AK5: variants seen among roughly 807,000 people sequenced by gnomAD.
AK5 encodes adenylate kinase isoenzyme 5.
Under a neutral mutation model 69.5 loss-of-function variants are expected in AK5, and 27 were observed. The ratio of observed to expected loss-of-function variants is 0.39; its 90% confidence interval spans 0.29 to 0.54. AK5 has a LOEUF of 0.54. Ranked by LOEUF, AK5 falls within the 20% of genes least tolerant of loss-of-function variation. The probability of loss-of-function intolerance (pLI) is 0.71; values close to 1 mark genes in which losing one functional copy is unlikely to be tolerated. For missense variants in AK5, 531 were observed against 700.4 expected, an observed-to-expected ratio of 0.76 and a Z score of 2.73; for synonymous variants, 260 against 244.4, an observed-to-expected ratio of 1.06 and a Z score of -0.60.
rs566579495 is a variant in AK5, at chr1:77,297,498, G to A, written c.416-61G>A. Reference sequence around the variant, plus strand: ...TTGCATCCCAGATGAAGTAGTAGTTGTATAAAAGGGAGGTCCTTATTGTAT... The same window carrying A: ...TTGCATCCCAGATGAAGTAGTAGTTATATAAAAGGGAGGTCCTTATTGTAT... On this transcript the variant is annotated intron_variant, in intron 3 of 13. Coordinates refer to ENST00000354567, the MANE Select transcript of AK5 (RefSeq NM_174858.3). The A allele has an allele frequency of 7.7e-5, 112 of 1,455,520 alleles. 1 individual carries two copies. The South Asian group carries it at 8.6e-4, about 11-fold the overall frequency. The allele number at this position is 1,455,520 out of a possible 1,614,324, so 90.2% of individuals were successfully genotyped here.
At chr1:77,506,282 T>TA (rs1657023430) in intron 10 of AK5, among the ~76,000 whole-genome samples, 2 of 151,782 alleles carry the variant, frequency 1.3e-5, no homozygotes, top group Non-Finnish European at 2.9e-5. Context: ...GGGGTTTTTT[T>TA]AATTTTTTAA....
At chr1:77,406,706 A>G (rs1044241292) in intron 6 of AK5, among the ~76,000 whole-genome samples, 6 of 145,218 alleles carry the variant, frequency 4.1e-5, no homozygotes, top group African/African-American at 1.0e-4. Context: ...GATGCTGAGG[A>G]AAAAAAAAAA....
rs765399590 is a variant in AK5, at chr1:77,535,922, C to T, written c.1504C>T (p.Arg502Trp). The T allele has an allele frequency of 9.9e-6, 16 of 1,613,844 alleles. No individual in the cohort carries two copies. The Admixed American group carries it at 1.0e-4, about 10-fold the overall frequency. ...TMTNRLLQRS[R>W]SSLPVDDTTK... ...GACCAACCGCCTTCTCCAAAGGAGC[C>T]GGAGCAGCCTGCCTGTGGACGACAC... The change falls in exon 13 of 14, where the codon CGG becomes TGG. Residue 502 changes from arginine to tryptophan, a missense_variant. Transcript: ENST00000354567.
chr1:77,307,667 T>C (rs1264139217), intron 5 of AK5, among the ~76,000 whole-genome samples: 1 of 152,180 alleles, frequency 6.6e-6, no homozygotes, highest in African/African-American at 2.4e-5. Context: ...TTGTTGATTT[T>C]CTGTCTGGAA....
At chr1:77,476,340 CA>C (rs757388741) in intron 8 of AK5, among the ~76,000 whole-genome samples, 2 of 152,122 alleles carry the variant, frequency 1.3e-5, no homozygotes, top group African/African-American at 2.4e-5. Flanking sequence ...TGTAACCACT[CA>C]AAATTTCTGA....
intron 7 of AK5, among the ~76,000 whole-genome samples, chr1:77,417,365 A>T (rs1650500502): frequency 6.6e-6 from 1 of 151,882 alleles, no homozygotes; most frequent in Admixed American, 6.6e-5. Flanking sequence ...TTAGTAGCTC[A>T]CTCTCTTGGG....
chr1:77,352,342 A>G (rs960792523), intron 6 of AK5, among the ~76,000 whole-genome samples: 4 of 152,320 alleles, frequency 2.6e-5, no homozygotes, highest in Admixed American at 2.6e-4. Flanking sequence ...CTTATATCTA[A>G]TTCTTCCAAC....
At chr1:77,420,571 G>A (rs780616324) in intron 8 of AK5, among the ~76,000 whole-genome samples, 1 of 152,152 alleles carries the variant, frequency 6.6e-6, no homozygotes, top group Non-Finnish European at 1.5e-5. Flanking sequence ...CAAGAAGTAA[G>A]CTCTGTTAAT....
chr1:77,466,466 T>C (rs1257448658), intron 8 of AK5, among the ~76,000 whole-genome samples: 1 of 152,190 alleles, frequency 6.6e-6, no homozygotes, highest in African/African-American at 2.4e-5. Flanking sequence ...ACCCCCAGCC[T>C]GGGCACAATA....
At chr1:77,486,043 A>C (rs1170611437) in intron 9 of AK5, among the ~76,000 whole-genome samples, 1 of 152,148 alleles carries the variant, frequency 6.6e-6, no homozygotes, top group Non-Finnish European at 1.5e-5. Context: ...TGAACCTGAG[A>C]GGTGGAGGTT....
chr1:77,385,589 T>A (rs1339911702), intron 6 of AK5, among the ~76,000 whole-genome samples: 2 of 152,210 alleles, frequency 1.3e-5, no homozygotes, highest in Non-Finnish European at 2.9e-5. Context: ...TTCATAAATA[T>A]GTGTGGTCAA....
At chr1:77,474,112 A>G (rs186551118) in intron 8 of AK5, among the ~76,000 whole-genome samples, 4 of 152,290 alleles carry the variant, frequency 2.6e-5, no homozygotes, top group Admixed American at 2.6e-4. Context: ...CATTTGTCTC[A>G]TGTGGAGTTT....
intron 6 of AK5, among the ~76,000 whole-genome samples, chr1:77,395,791 A>T (rs1648790460): frequency 6.6e-6 from 1 of 152,258 alleles, no homozygotes; most frequent in African/African-American, 2.4e-5. Context: ...ATGAGAAGTT[A>T]TTCGAAGGCC....
intron 6 of AK5, among the ~76,000 whole-genome samples, chr1:77,409,511 ATGCT>A (rs1338328138): frequency 1.3e-5 from 2 of 151,966 alleles, no homozygotes; most frequent in South Asian, 2.1e-4. Context: ...TTTTTTTCAT[ATGCT>A]TGATGGCTGC....
In AK5 at chr1:77,430,499, G is replaced by T. The variant is rs117333834; in HGVS notation, c.1059+12784G>T. ...TTTCAGTGAGCAATTAAATATATAG[G>T]TCTGGTGTTCAGAGGAAATATCTGA... On this transcript the variant is annotated intron_variant, in intron 8 of 13. Coordinates refer to ENST00000354567, the MANE Select transcript of AK5 (RefSeq NM_174858.3). Among the ~76,000 whole-genome samples the T allele has an allele frequency of 7.5e-4, 114 of 152,286 alleles. 1 individual carries two copies. Among genetic ancestry groups the T allele is most frequent in the Admixed American group, 4.6e-3 (71 of 15,304 alleles).
intron 5 of AK5, among the ~76,000 whole-genome samples, chr1:77,302,216 A>T (rs202058125): frequency 2.7e-4 from 1 of 3,726 alleles, no homozygotes; most frequent in Non-Finnish European, 1.0e-3. Flanking sequence ...ATTTTAAGTT[A>T]AAAAAAAAAT....
At chr1:77,387,285 T>C (rs1453931259) in intron 6 of AK5, among the ~76,000 whole-genome samples, 1 of 152,188 alleles carries the variant, frequency 6.6e-6, no homozygotes, top group African/African-American at 2.4e-5. Flanking sequence ...GAGCATGACT[T>C]TAACTTGAAC....
chr1:77,436,256 A>G (rs1651953743), intron 8 of AK5, among the ~76,000 whole-genome samples: 2 of 152,086 alleles, frequency 1.3e-5, no homozygotes, highest in Admixed American at 1.3e-4. Flanking sequence ...TTCTCAACAA[A>G]GAACATATTT....
chr1:77,376,553 A>T (rs566507248), intron 6 of AK5, among the ~76,000 whole-genome samples: 12 of 144,900 alleles, frequency 8.3e-5, no homozygotes, highest in Non-Finnish European at 1.1e-4. Flanking sequence ...TTTCTCTTTG[A>T]TTTTCAAAAA....
Sources: allele counts gnomAD v4.1 joint callset (sites outside exome capture counted in the v4.1 genomes callset), GRCh38; gene constraint gnomAD v4.1.1; transcripts MANE v1.5; gene names NCBI Gene and HGNC (gene_info 2026-07-23, HGNC 2026-07-21).